Variants in CHODL observed in about 807,000 individuals in gnomAD.
CHODL encodes chondrolectin.
In CHODL, 29 loss-of-function variants were observed where a neutral mutation model predicts 34.5. The ratio of observed to expected loss-of-function variants is 0.84; its 90% CI spans 0.63 to 1.15. The LOEUF is 1.15. Among genes scored for constraint, CHODL ranks in the 50% most tolerant of loss-of-function variants. CHODL has a pLI of 0.00. For missense variants in CHODL, 332 were observed against 332.5 expected, an observed-to-expected ratio of 1.00 and a Z score of 0.01; for synonymous variants, 125 against 116.1, an observed-to-expected ratio of 1.08 and a Z score of -0.49.
chr21:18,155,928 G>C (rs548943657), intron 2 of CHODL, among the ~76,000 whole-genome samples: 2 of 152,274 alleles, frequency 1.3e-5, no homozygotes, highest in East Asian at 3.9e-4. Context: ...TTGCTAAAAG[G>C]AAATCCTGGA....
chr21:18,058,013 T>C (rs2064606031), intron 2 of CHODL, among the ~76,000 whole-genome samples: 1 of 152,116 alleles, frequency 6.6e-6, no homozygotes, highest in African/African-American at 2.4e-5. Flanking sequence ...TTGGAAAGAT[T>C]CTATACATTA....
At chr21:18,119,875 G>T (rs2065459128) in intron 2 of CHODL, among the ~76,000 whole-genome samples, 1 of 152,168 alleles carries the variant, frequency 6.6e-6, no homozygotes, top group Non-Finnish European at 1.5e-5. Context: ...ACTTGTGGCA[G>T]ATCTAGAGCT....
At chr21:17,925,129 G>GA (rs1325437817) in intron 1 of CHODL, among the ~76,000 whole-genome samples, 1 of 152,190 alleles carries the variant, frequency 6.6e-6, no homozygotes, top group Non-Finnish European at 1.5e-5. Context: ...TGGAAGAAAG[G>GA]AAAGGACACA....
chr21:18,215,455 C>T (rs1002860703), intron 2 of CHODL, among the ~76,000 whole-genome samples: 10 of 152,146 alleles, frequency 6.6e-5, no homozygotes, highest in Admixed American at 1.3e-4. Context: ...ATGGTCTTGA[C>T]GATATCTTTT....
At chr21:18,131,279 A>G (rs1010414879) in intron 2 of CHODL, among the ~76,000 whole-genome samples, 1 of 151,934 alleles carries the variant, frequency 6.6e-6, no homozygotes, top group Non-Finnish European at 1.5e-5. Flanking sequence ...CTTCCTACAT[A>G]CTGGGGGTTA....
chr21:18,161,943 G>T (rs551342985), intron 2 of CHODL, among the ~76,000 whole-genome samples: 1 of 152,124 alleles, frequency 6.6e-6, no homozygotes, highest in Non-Finnish European at 1.5e-5. Flanking sequence ...TGAATCCTAA[G>T]TGTACAGCTG....
chr21:18,157,915 A>G (rs1053329734), intron 2 of CHODL, among the ~76,000 whole-genome samples: 2 of 152,138 alleles, frequency 1.3e-5, no homozygotes, highest in Admixed American at 6.5e-5. Context: ...TATTGCCAAA[A>G]TAGATAAAAA....
At chr21:18,184,502 G>A (rs1039240509) in intron 2 of CHODL, among the ~76,000 whole-genome samples, 2 of 152,132 alleles carry the variant, frequency 1.3e-5, no homozygotes, top group African/African-American at 4.8e-5. Context: ...TCTGAAATAG[G>A]CATTGGTTTA....
intron 1 of CHODL, among the ~76,000 whole-genome samples, chr21:18,019,086 TAG>T (rs903858711): frequency 3.8e-4 from 58 of 152,360 alleles, no homozygotes; most frequent in African/African-American, 1.3e-3. Flanking sequence ...TGATTATTTG[TAG>T]AGTTTTTGTG....
At chr21:18,263,813 C>A (rs1483748459) in intron 5 of CHODL, among the ~76,000 whole-genome samples, 3 of 151,996 alleles carry the variant, frequency 2.0e-5, no homozygotes, top group African/African-American at 7.2e-5. Context: ...CTGAAATAAA[C>A]CCTACCATTA....
chr21:17,949,525 T>G (rs2063439213), intron 1 of CHODL, among the ~76,000 whole-genome samples: 1 of 152,092 alleles, frequency 6.6e-6, no homozygotes, highest in African/African-American at 2.4e-5. Flanking sequence ...GAGATGAAGT[T>G]CCTCTTCACT....
At chr21:18,139,962 CT>C (rs2072781854) in intron 2 of CHODL, among the ~76,000 whole-genome samples, 1 of 152,170 alleles carries the variant, frequency 6.6e-6, no homozygotes, top group African/African-American at 2.4e-5. Context: ...CTAAAAAGGA[CT>C]GTTATCTAAC....
chr21:18,117,087 T>C (rs1888916544), intron 2 of CHODL, among the ~76,000 whole-genome samples: 1 of 152,174 alleles, frequency 6.6e-6, no homozygotes, highest in Admixed American at 6.6e-5. Context: ...TGTTCCACTA[T>C]CAATAGCAAA....
At chr21:18,064,187 C>T (rs932388734) in intron 2 of CHODL, among the ~76,000 whole-genome samples, 1 of 152,096 alleles carries the variant, frequency 6.6e-6, no homozygotes, top group African/African-American at 2.4e-5. Flanking sequence ...TTATACCCAT[C>T]TCTCCCATGT....
chr21:18,251,375 ATG>A (rs2074234335), intron 1 of CHODL, among the ~76,000 whole-genome samples: 1 of 93,288 alleles, frequency 1.1e-5, no homozygotes, highest in Admixed American at 9.6e-5. Flanking sequence ...TATAAAATAA[ATG>A]TATTTTATTT....
chr21:18,264,525 C>T (rs967758839), intron 5 of CHODL, among the ~76,000 whole-genome samples: 4 of 146,700 alleles, frequency 2.7e-5, no homozygotes, highest in Non-Finnish European at 5.9e-5. Context: ...TTGCTTGAAC[C>T]GGGGAGGCGG....
At chr21:18,114,483 G>T (rs541232752) in intron 2 of CHODL, among the ~76,000 whole-genome samples, 2 of 151,726 alleles carry the variant, frequency 1.3e-5, no homozygotes, top group Admixed American at 6.6e-5. Flanking sequence ...ATGGAATTTC[G>T]CTCTTGTTGC....
At chr21:18,014,970 A>G (rs145796581) in intron 1 of CHODL, among the ~76,000 whole-genome samples, 23 of 152,320 alleles carry the variant, frequency 1.5e-4, no homozygotes, top group African/African-American at 5.5e-4. Context: ...GAACTGGGTA[A>G]TGGGCAGATG....
chr21:17,970,939 T>A (rs2063609434), intron 1 of CHODL, among the ~76,000 whole-genome samples: 1 of 151,820 alleles, frequency 6.6e-6, no homozygotes, highest in Non-Finnish European at 1.5e-5. Context: ...TGTGTCCATG[T>A]GTTTTCATTG....
Sources: gnomAD v4.1 joint callset for allele counts (sites outside exome capture counted in the v4.1 genomes callset) on GRCh38, gnomAD v4.1.1 for gene constraint, MANE v1.5 for transcripts, NCBI Gene and HGNC (gene_info 2026-07-23, HGNC 2026-07-21) for gene names.